The following TFAM variants were observed in gnomAD, a reference collection of about 807,000 sequenced individuals.
The protein encoded by TFAM is transcription factor A, mitochondrial.
TFAM carries 13 observed loss-of-function variants against 30.6 expected under a neutral mutation model. The ratio of observed to expected loss-of-function variants is 0.42; its 90% CI spans 0.28 to 0.67. The LOEUF (loss-of-function observed/expected upper bound fraction) is 0.67, where lower values mean the gene tolerates loss of function less well. TFAM is among the 30% of genes least tolerant of loss of function. The pLI is 0.21. For missense variants in TFAM, 231 were observed against 293.7 expected (o/e 0.79, Z 1.56); for synonymous variants, 106 against 94.8 (o/e 1.12, Z -0.69).
rs1274392467 is a variant in TFAM at position 58,388,191 on chromosome 10, T to C, written c.222T>C (p.Asp74=). The change falls in exon 3 of 7, where the codon GAT becomes GAC. Residue 74 remains aspartate (D), a splice_region_variant and synonymous_variant. Coordinates refer to ENST00000487519, the MANE Select transcript of TFAM (RefSeq NM_003201.3). The part of the protein sequence containing the change: ...QLPIFKAQNP[D]AKTTELIRRI... ...TTTTCTTTTTATTTCATTCCATAGA[T>C]GCAAAAACTACAGAACTAATTAGAA... 6.2e-7 allele frequency: 1 copy of C among 1,613,414 alleles called. No homozygotes were observed. Among genetic ancestry groups the C allele is most frequent in the African/African-American group, 1.3e-5 (1 of 74,912 alleles).
rs576907349 is a variant in TFAM, at chr10:58,385,970, A to G, written c.102-250A>G. On this transcript the variant is annotated intron_variant, in intron 1 of 6. Coordinates refer to ENST00000487519, the MANE Select transcript of TFAM (RefSeq NM_003201.3). ...TCTAGGCATTGAGGAGGCGGGGCCC[A>G]GGAGCTGGAGTATAGACGCTTTCCT... is the stretch of plus-strand genomic sequence containing the variant. Among the ~76,000 whole-genome samples the G allele has an allele frequency of 4.6e-5, 7 of 152,298 alleles. No individual in the cohort carries two copies. In the East Asian group the frequency reaches 1.4e-3, roughly 29 times the overall value.
rs1305996670 is a variant in TFAM, at chr10:58,387,513, C to T, written c.221-677C>T. Among the ~76,000 whole-genome samples, 7 of 152,220 alleles carry T rather than the reference C, an allele frequency of 4.6e-5. No homozygotes were observed. The East Asian group carries it at 9.6e-4, about 21-fold the overall frequency. ...AAATACGAGGCTGTGTTATATGGAT[C>T]GAGAATGTATTTTGTTGTTAGCTTT... On this transcript the variant is annotated intron_variant, in intron 2 of 6. Transcript: ENST00000487519.
At chr10:58,393,551 T>C (rs1418883966) in intron 5 of TFAM, among the ~76,000 whole-genome samples, 3 of 152,184 alleles carry the variant, frequency 2.0e-5, no homozygotes, top group Non-Finnish European at 4.4e-5. Context: ...GATTATCCTT[T>C]AAAAAGATTT....
At chr10:58,387,132 C>A (rs922391834) in intron 2 of TFAM, among the ~76,000 whole-genome samples, 2 of 152,078 alleles carry the variant, frequency 1.3e-5, no homozygotes, top group African/African-American at 2.4e-5. Context: ...CATGGGGGCG[C>A]AGTGCCTGTA....
Position 58,386,234 on chromosome 10 carries a change from C to T in TFAM, c.116C>T (p.Pro39Leu). 1.2e-6 allele frequency: 2 copies of T among 1,611,030 alleles called. No individual in the cohort carries two copies. Among genetic ancestry groups the T allele is most frequent in the Non-Finnish European group, 1.7e-6 (2 of 1,177,630 alleles). Residue 39 changes from proline (P) to leucine (L), a missense_variant, in exon 2 of 7, where the codon CCG becomes CTG. Pro to Leu is a moderately conservative substitution (Grantham distance 98). Transcript: ENST00000487519. ...LRSPFSFVYLPRWFSSVLASC... is the reference protein window; with the variant it reads ...LRSPFSFVYLLRWFSSVLASC... Reference sequence around the variant, plus strand: ...TTTATATGTAGTTTTGTGTATTTACCGAGGTGGTTTTCATCTGTCTTGGCA... The same window carrying T: ...TTTATATGTAGTTTTGTGTATTTACTGAGGTGGTTTTCATCTGTCTTGGCA...
In TFAM at chr10:58,395,262, T is replaced by C. The variant is rs1313656302; in HGVS notation, c.*188T>C. 1 of 612,996 alleles carries C rather than the reference T, an allele frequency of 1.6e-6. No homozygotes were observed. Among genetic ancestry groups the C allele is most frequent in the East Asian group, 3.0e-5 (1 of 33,710 alleles). The allele number at this position is 612,996 out of a possible 1,614,324, so 38.0% of individuals were successfully genotyped here. On this transcript the variant is annotated 3_prime_UTR_variant, in exon 7 of 7. Coordinates refer to ENST00000487519, the MANE Select transcript of TFAM (RefSeq NM_003201.3). ...TTTGGAAAACCCAGATAAAGGTTCA[T>C]GCAAACTTTATTTTGTGTTTAGGAA... is the stretch of plus-strand genomic sequence containing the variant.
intron 6 of TFAM, 98 bp from the exon 7 acceptor site, chr10:58,394,830 G>A (rs1324541292): frequency 1.5e-5 from 18 of 1,210,160 alleles, no homozygotes; most frequent in Non-Finnish European, 2.0e-5. Flanking sequence ...AATTTCTAAA[G>A]TATATACAGA....
Position 58,385,420 on chromosome 10 carries a change from G to C in TFAM, c.-128G>C, listed in dbSNP as rs1224095965. 1 of 736,794 alleles carries C rather than the reference G, an allele frequency of 1.4e-6. No homozygotes were observed. The highest frequency in any genetic ancestry group is 2.7e-5 in the East Asian group (1 of 37,412). The allele number at this position is 736,794 out of a possible 1,614,324, so 45.6% of individuals were successfully genotyped here. On this transcript the variant is annotated 5_prime_UTR_variant, in exon 1 of 7. Transcript: ENST00000487519. ...GTTAGCAGATTTCCCATAGTGCCTC[G>C]CTAGTGGCGGGCATGATAACACACG...
At chr10:58,391,672 C>T (rs556155924) in intron 5 of TFAM, among the ~76,000 whole-genome samples, 277 of 151,820 alleles carry the variant, frequency 1.8e-3, no homozygotes, top group Non-Finnish European at 3.4e-3. Context: ...TGTCATGTTT[C>T]GATTCCCCTA....
chr10:58,391,983 A>G (rs1204739458), intron 5 of TFAM, among the ~76,000 whole-genome samples: 4 of 143,386 alleles, frequency 2.8e-5, no homozygotes, highest in Non-Finnish European at 6.1e-5. Flanking sequence ...GGTATTCACC[A>G]GCTTTTAGTA....
Position 58,386,350 on chromosome 10 carries a change from T to C in TFAM, c.220+12T>C, listed in dbSNP as rs1245918676. 3.9e-6 allele frequency: 6 copies of C among 1,553,580 alleles called. No individual in the cohort carries two copies. Among genetic ancestry groups the C allele is most frequent in the African/African-American group, 1.4e-5 (1 of 73,864 alleles). On this transcript the variant is annotated intron_variant, in intron 2 of 6. Transcript: ENST00000487519. ...AGCTCAGAACCCAGGTAAGGAGTTT[T>C]GGGGCATATACCCTTTTCTCATGTA... is the stretch of plus-strand genomic sequence containing the variant.
At position 58,396,903 on chromosome 10, in the gene TFAM, T is replaced by G. The variant is rs1840692309; in HGVS notation, c.*1829T>G. ...GATATTTTAAAATAACTTTTCCCTG[T>G]GGGAGCTTCTCACTCTGGGTGCAGA... On this transcript the variant is annotated 3_prime_UTR_variant, in exon 7 of 7. Coordinates refer to ENST00000487519, the MANE Select transcript of TFAM (RefSeq NM_003201.3). 1 of 152,184 alleles carries G rather than the reference T, an allele frequency of 6.6e-6. No homozygotes were observed. The highest frequency in any genetic ancestry group is 1.5e-5 in the Non-Finnish European group (1 of 68,034). The allele number at this position is 152,184 out of a possible 1,614,324, so 9.4% of individuals were successfully genotyped here.
chr10:58,388,736 C>T lies in TFAM; in HGVS notation c.358C>T (p.Gln120Ter). 2 of 1,613,292 alleles carry T rather than the reference C, an allele frequency of 1.2e-6. No individual in the cohort carries two copies. Among genetic ancestry groups the T allele is most frequent in the Non-Finnish European group, 1.7e-6 (2 of 1,179,638 alleles). The change falls in exon 4 of 7, where the codon CAG becomes TAG. Residue 120 changes from glutamine to a stop codon, truncating the protein, a stop_gained. Coordinates refer to ENST00000487519, the MANE Select transcript of TFAM (RefSeq NM_003201.3). LOFTEE classifies it high-confidence loss of function. ...YKEEISRFKE[Q>*]LTPSQIMSLE... is the part of the protein sequence containing the mutation. ...AGAAGAGATAAGCAGATTTAAAGAA[C>T]AGCTAACTCCAAGTCAGATTATGTC...
At position 58,395,603 on chromosome 10, in the gene TFAM, C is replaced by G. The variant is rs1429093798; in HGVS notation, c.*529C>G. ...AAGTGATTGCTGGTTTTAGTTGCAACTTTGTATAAAAGGGACTGAGAAATT... is the reference window on the plus strand; with the variant it reads ...AAGTGATTGCTGGTTTTAGTTGCAAGTTTGTATAAAAGGGACTGAGAAATT... On this transcript the variant is annotated 3_prime_UTR_variant, in exon 7 of 7. Coordinates refer to ENST00000487519, the MANE Select transcript of TFAM (RefSeq NM_003201.3). 4.1e-6 allele frequency: 1 copy of G among 245,064 alleles called. No homozygotes were observed. The highest frequency in any genetic ancestry group is 2.2e-5 in the African/African-American group (1 of 45,386). 15.2% of individuals were successfully genotyped at this position (245,064 alleles called of 1,614,324 possible).
Position 58,394,296 on chromosome 10 carries a change from G to A in TFAM, c.538-62G>A. 4.9e-6 allele frequency: 6 copies of A among 1,217,520 alleles called. No homozygotes were observed. The South Asian group carries it at 7.2e-5, about 15-fold the overall frequency. 75.4% of individuals were successfully genotyped at this position (1,217,520 alleles called of 1,614,324 possible). On this transcript the variant is annotated intron_variant, in intron 5 of 6. Coordinates refer to ENST00000487519, the MANE Select transcript of TFAM (RefSeq NM_003201.3). ...TGGTATCTTGAGTTTTTGTTGGAAT[G>A]AATAATAAAGGTCACTGAAGTCCCC...
At position 58,386,305 on chromosome 10, in the gene TFAM, G is replaced by C; in HGVS notation, c.187G>C (p.Glu63Gln). ...AAGTTCTTACCTTCGATTTTCTAAA[G>C]AACAACTACCCATATTTAAAGCTCA... ...PVSSYLRFSK[E>Q]QLPIFKAQNP... The change falls in exon 2 of 7, where the codon GAA becomes CAA. Residue 63 changes from glutamate to glutamine, a missense_variant. By Grantham distance (29) the Glu-to-Gln change is conservative. Coordinates refer to ENST00000487519, the MANE Select transcript of TFAM (RefSeq NM_003201.3). The C allele has an allele frequency of 6.2e-7, 1 of 1,613,784 alleles. No individual in the cohort carries two copies. Among genetic ancestry groups the C allele is most frequent in the African/African-American group, 1.3e-5 (1 of 75,036 alleles).
At chr10:58,389,356 C>G (rs1278897365) in intron 4 of TFAM, among the ~76,000 whole-genome samples, 1 of 151,882 alleles carries the variant, frequency 6.6e-6, no homozygotes, top group Admixed American at 6.6e-5. Flanking sequence ...ATTTGTAGTT[C>G]CCAGCTTAAT....
At chr10:58,390,586 A>G (rs186590955) in intron 4 of TFAM, among the ~76,000 whole-genome samples, 179 bp from the exon 5 acceptor site, 1 of 152,248 alleles carries the variant, frequency 6.6e-6, no homozygotes, top group Non-Finnish European at 1.5e-5. Flanking sequence ...CATAATTTTC[A>G]TAACAGTGCT....
chr10:58,392,158 A>G lies in TFAM; in HGVS notation c.537+1298A>G, dbSNP rs79982651. On this transcript the variant is annotated intron_variant, in intron 5 of 6. Coordinates refer to ENST00000487519, the MANE Select transcript of TFAM (RefSeq NM_003201.3). ...TTGTTTACTTTTTTGGTTTACTCTG[A>G]TTCTTGTATAGCATCTTTCCCAGTA... Among the ~76,000 whole-genome samples the G allele has an allele frequency of 1.4e-4, 22 of 152,008 alleles. No homozygotes were observed. In the East Asian group the frequency reaches 3.7e-3, roughly 25 times the overall value.
Sources: allele counts gnomAD v4.1 joint callset (sites outside exome capture counted in the v4.1 genomes callset), GRCh38; gene constraint gnomAD v4.1.1; transcripts MANE v1.5; gene names NCBI Gene and HGNC (gene_info 2026-07-23, HGNC 2026-07-21).